AFF3: variants seen among roughly 807,000 people sequenced by gnomAD.
The protein encoded by AFF3 is ALF transcription elongation factor 3.
A neutral mutation model predicts 129.7 loss-of-function variants in AFF3; 32 were observed. The observed-to-expected ratio is 0.25, with a 90% CI of 0.19 to 0.33. The LOEUF is 0.33. AFF3 is among the 10% of genes least tolerant of loss of function. AFF3 has a pLI of 1.00. For synonymous variants in AFF3, 644 were observed against 635.4 expected (o/e 1.01, Z -0.20); for missense variants, 1,373 against 1,592.0 (o/e 0.86, Z 2.34).
chr2:99,759,945 T>C (rs1316986925), intron 8 of AFF3, among the ~76,000 whole-genome samples: 1 of 152,200 alleles, frequency 6.6e-6, no homozygotes, highest in African/African-American at 2.4e-5. Context: ...GACTTTACGA[T>C]CAATCAGATC....
intron 13 of AFF3, among the ~76,000 whole-genome samples, chr2:99,644,623 C>T (rs1342561661): frequency 1.3e-5 from 2 of 152,158 alleles, no homozygotes; most frequent in Non-Finnish European, 2.9e-5. Context: ...CTCCTCTTGC[C>T]CTAGATTTCA....
At chr2:99,899,055 A>G (rs1433524828) in intron 7 of AFF3, among the ~76,000 whole-genome samples, 1 of 152,200 alleles carries the variant, frequency 6.6e-6, no homozygotes, top group African/African-American at 2.4e-5. Flanking sequence ...CCATTGTCAC[A>G]GGGCTGGGCA....
At chr2:100,132,799 GATA>G (rs1363997887) in intron 1 of AFF3, among the ~76,000 whole-genome samples, 1 of 151,956 alleles carries the variant, frequency 6.6e-6, no homozygotes, top group Admixed American at 6.6e-5. Context: ...ACATTGAAAT[GATA>G]ATATTTTTTC....
chr2:100,075,641 A>G (rs1349429958), intron 4 of AFF3, among the ~76,000 whole-genome samples: 2 of 152,206 alleles, frequency 1.3e-5, no homozygotes, highest in East Asian at 1.9e-4. Flanking sequence ...TAGGGAAATA[A>G]TTATGGAAAT....
intron 7 of AFF3, among the ~76,000 whole-genome samples, chr2:99,879,698 A>T (rs750426423): frequency 1.3e-5 from 2 of 152,210 alleles, no homozygotes; most frequent in Non-Finnish European, 2.9e-5. Flanking sequence ...GGCCAAGTTC[A>T]CAAACCATCA....
intron 1 of AFF3, among the ~76,000 whole-genome samples, chr2:100,135,365 G>T (rs189379149): frequency 6.6e-6 from 1 of 152,218 alleles, no homozygotes; most frequent in East Asian, 1.9e-4. Flanking sequence ...CGGGATAAAG[G>T]CTGCTGTGTA....
In AFF3 at chr2:99,759,738, A is replaced by C. The variant is rs535290824; in HGVS notation, c.922-7437T>G. On this transcript the variant is annotated intron_variant, in intron 8 of 24. Coordinates refer to ENST00000672756, the MANE Select transcript of AFF3 (RefSeq NM_001386135.1). ...ATGTAATGCAAATACAAAATATGTA[A>C]TATACATACAAAATGTAATTTATGA... is the stretch of plus-strand genomic sequence containing the variant. Among the ~76,000 whole-genome samples, 2 of 152,352 alleles carry C rather than the reference A, an allele frequency of 1.3e-5. 1 individual carries two copies. Among genetic ancestry groups the C allele is most frequent in the South Asian group, 4.1e-4 (2 of 4,832 alleles).
chr2:99,833,239 T>C (rs1688634670), intron 8 of AFF3, among the ~76,000 whole-genome samples: 1 of 152,178 alleles, frequency 6.6e-6, no homozygotes, highest in Non-Finnish European at 1.5e-5. Context: ...AATCATCCCA[T>C]CCAGGATGCT....
At chr2:100,126,918 T>C (rs997254250) in intron 2 of AFF3, among the ~76,000 whole-genome samples, 3 of 152,212 alleles carry the variant, frequency 2.0e-5, no homozygotes, top group Admixed American at 1.3e-4. Flanking sequence ...AAGGAGGGTA[T>C]TATTAATTAA....
At chr2:99,731,674 C>G (rs1399208150) in intron 10 of AFF3, among the ~76,000 whole-genome samples, 1 of 151,916 alleles carries the variant, frequency 6.6e-6, no homozygotes, top group Non-Finnish European at 1.5e-5. Flanking sequence ...AATCATAAAC[C>G]AATAATGAGA....
chr2:99,763,002 T>C lies in AFF3; in HGVS notation c.922-10701A>G, dbSNP rs942268316. On this transcript the variant is annotated intron_variant, in intron 8 of 24. Coordinates refer to ENST00000672756, the MANE Select transcript of AFF3 (RefSeq NM_001386135.1). ...ACAGACATGGTGATTTTTACAACAC[T>C]GCATCTCATCTAAATGCTGGCAGCT... Among the ~76,000 whole-genome samples, 4 of 152,380 alleles carry C rather than the reference T, an allele frequency of 2.6e-5. No homozygotes were observed. In the East Asian group the frequency reaches 7.7e-4, roughly 29 times the overall value.
intron 4 of AFF3, among the ~76,000 whole-genome samples, chr2:100,064,398 T>C (rs1687554580): frequency 6.6e-6 from 1 of 152,186 alleles, no homozygotes; most frequent in Non-Finnish European, 1.5e-5. Flanking sequence ...GATGGATGCC[T>C]ACAGCCATGT....
At chr2:99,599,408 A>G (rs531420754) in intron 14 of AFF3, among the ~76,000 whole-genome samples, 1 of 152,164 alleles carries the variant, frequency 6.6e-6, no homozygotes, top group East Asian at 1.9e-4. Flanking sequence ...ACAGGCGCCC[A>G]CCACCACACC....
intron 7 of AFF3, among the ~76,000 whole-genome samples, chr2:99,995,293 G>A (rs1405107030): frequency 6.6e-6 from 1 of 152,104 alleles, no homozygotes; most frequent in East Asian, 1.9e-4. Context: ...AGTCAATTAT[G>A]CTGGGATTTG....
intron 2 of AFF3, among the ~76,000 whole-genome samples, chr2:100,117,248 CTGAGACTTCAATT>C (rs1424496082): frequency 6.6e-6 from 1 of 152,152 alleles, no homozygotes; most frequent in Non-Finnish European, 1.5e-5. Flanking sequence ...TCCTCTTCTT[CTGAGACTTCAATT>C]TTATGCATGC....
chr2:100,117,129 C>T (rs561501013), intron 2 of AFF3, among the ~76,000 whole-genome samples: 1 of 152,144 alleles, frequency 6.6e-6, no homozygotes, highest in South Asian at 2.1e-4. Flanking sequence ...TTTTATTCAT[C>T]TTATTTGGAA....
intron 7 of AFF3, among the ~76,000 whole-genome samples, chr2:99,937,013 A>G (rs1395173207): frequency 6.6e-6 from 1 of 152,220 alleles, no homozygotes; most frequent in Non-Finnish European, 1.5e-5. Flanking sequence ...TATGTTCAGG[A>G]AAAGAGAAGC....
At chr2:99,572,338 G>GC (rs1375154328) in intron 18 of AFF3, among the ~76,000 whole-genome samples, 1 of 118,596 alleles carries the variant, frequency 8.4e-6, no homozygotes, top group Non-Finnish European at 1.6e-5. Context: ...GTTCTCAGCA[G>GC]CATCAGGGTT....
At chr2:100,136,433 GA>G (rs1692644831) in intron 1 of AFF3, among the ~76,000 whole-genome samples, 2 of 152,230 alleles carry the variant, frequency 1.3e-5, no homozygotes, top group South Asian at 4.1e-4. Flanking sequence ...CCAGAAGGAA[GA>G]AGTGAATGTG....
Sources: allele counts gnomAD v4.1 joint callset (sites outside exome capture counted in the v4.1 genomes callset), GRCh38; gene constraint gnomAD v4.1.1; transcripts MANE v1.5; gene names NCBI Gene and HGNC (gene_info 2026-07-23, HGNC 2026-07-21).